ITGAV: variants seen among roughly 807,000 people sequenced by gnomAD.
ITGAV encodes the protein integrin subunit alpha V.
In ITGAV, 76 loss-of-function variants were observed where a neutral mutation model predicts 143.8. That is an observed-to-expected ratio of 0.53 (90% confidence interval 0.44 to 0.64). ITGAV has a LOEUF of 0.64. Ranked by LOEUF, ITGAV falls within the 30% of genes least tolerant of loss-of-function variation. The pLI is 0.00. For missense variants in ITGAV, 1,193 were observed against 1,274.7 expected, an observed-to-expected ratio of 0.94 and a Z score of 0.98; for synonymous variants, 453 against 446.7, an observed-to-expected ratio of 1.01 and a Z score of -0.18.
intron 26 of ITGAV, among the ~76,000 whole-genome samples, chr2:186,673,439 T>A (rs1380142530): frequency 2.0e-5 from 3 of 152,208 alleles, no homozygotes; most frequent in Admixed American, 2.0e-4. Context: ...TGTCCATTTC[T>A]GCAGACAAGG....
At chr2:186,653,612 C>G (rs1688504251) in intron 15 of ITGAV, among the ~76,000 whole-genome samples, 1 of 152,054 alleles carries the variant, frequency 6.6e-6, no homozygotes, top group Non-Finnish European at 1.5e-5. Context: ...AATATTTGGT[C>G]TTCATTTTTA....
At chr2:186,639,369 A>G (rs1272341179) in intron 10 of ITGAV, among the ~76,000 whole-genome samples, 2 of 152,196 alleles carry the variant, frequency 1.3e-5, no homozygotes, top group African/African-American at 4.8e-5. Context: ...GACTAGACTC[A>G]TGGTCCCCAG....
chr2:186,677,043 G>C, intron 29 of ITGAV, 108 bp downstream of exon 29: 1 of 1,233,158 alleles, frequency 8.1e-7, no homozygotes, highest in South Asian at 1.3e-5. Context: ...GGACTGTAAT[G>C]ATGATACTTG....
rs1462821931 is a variant in ITGAV, at chr2:186,659,088, A to G, written c.1770A>G (p.Glu590=). Residue 590 remains glutamate (E), a synonymous_variant, in exon 18 of 30, where the codon GAA becomes GAG. Transcript: ENST00000261023. Reference sequence around the variant, plus strand: ...TCACTCCAATTACTATTTTTATGGAATATCGGTTGGATTATAGAACAGCTG... The same window carrying G: ...TCACTCCAATTACTATTTTTATGGAGTATCGGTTGGATTATAGAACAGCTG... ...DKLTPITIFM[E]YRLDYRTAAD... is the part of the protein sequence containing the mutation. 6.2e-7 allele frequency: 1 copy of G among 1,610,996 alleles called. No homozygotes were observed. The highest frequency in any genetic ancestry group is 8.5e-7 in the Non-Finnish European group (1 of 1,177,384).
chr2:186,656,073 A>G lies in ITGAV; in HGVS notation c.1565-174A>G, dbSNP rs542022849. 1.3e-4 allele frequency among the ~76,000 whole-genome samples: 20 copies of G among 152,134 alleles called. No individual in the cohort carries two copies. In the South Asian group the frequency reaches 4.2e-3, roughly 32 times the overall value. Reference sequence around the variant, plus strand: ...ATTAATTATTTAATTATTATTAAATATTTTTTCAGAATTAATATGTTGTAG... The same window carrying G: ...ATTAATTATTTAATTATTATTAAATGTTTTTTCAGAATTAATATGTTGTAG... On this transcript the variant is annotated intron_variant, in intron 16 of 29. Coordinates refer to ENST00000261023, the MANE Select transcript of ITGAV (RefSeq NM_002210.5).
Position 186,590,448 on chromosome 2 carries a change from G to C in ITGAV, c.110G>C (p.Ser37Thr), listed in dbSNP as rs199896935. Residue 37 changes from serine (S) to threonine (T), a missense_variant, in exon 1 of 30, where the codon AGT (serine) becomes ACT (threonine). By Grantham distance (58) the Ser-to-Thr change is moderately conservative. Transcript: ENST00000261023. ...CGCGCCTTCAACCTAGACGTGGACAGTCCTGCCGAGTACTCTGGCCCCGAG... is the reference window on the plus strand; with the variant it reads ...CGCGCCTTCAACCTAGACGTGGACACTCCTGCCGAGTACTCTGGCCCCGAG... ...LCRAFNLDVDSPAEYSGPEGS... is the reference protein window; with the variant it reads ...LCRAFNLDVDTPAEYSGPEGS... 1 of 1,612,944 alleles carries C rather than the reference G, an allele frequency of 6.2e-7. No homozygotes were observed. Among genetic ancestry groups the C allele is most frequent in the African/African-American group, 1.3e-5 (1 of 75,022 alleles).
chr2:186,634,122 TATTC>T lies in ITGAV; in HGVS notation c.631+750_631+753del, dbSNP rs957211166. On this transcript the variant is annotated intron_variant, in intron 6 of 29. Coordinates refer to ENST00000261023, the MANE Select transcript of ITGAV (RefSeq NM_002210.5). ...TTGATATAAAGATGCATTATTATATTATTCAGTCATTCTGGGAGGCCTAATTAAA... is the reference window on the plus strand; with the variant it reads ...TTGATATAAAGATGCATTATTATATTAGTCATTCTGGGAGGCCTAATTAAA... Among the ~76,000 whole-genome samples the T allele has an allele frequency of 9.0e-4, 137 of 152,304 alleles. 1 individual carries two copies. Among genetic ancestry groups the T allele is most frequent in the African/African-American group, 3.2e-3 (133 of 41,574 alleles).
chr2:186,665,114 GGTC>G lies in ITGAV; in HGVS notation c.2074-11_2074-9del. ...CATATCCATTTTTTTTTTTTTTTTT[GGTC>G]TATCAAAGGCCTTAGCAAGACTTTC... is the stretch of plus-strand genomic sequence containing the variant. On this transcript the variant is annotated splice_polypyrimidine_tract_variant and intron_variant, in intron 20 of 29. Transcript: ENST00000261023. 1 of 1,037,392 alleles carries G rather than the reference GGTC, an allele frequency of 9.6e-7. No homozygotes were observed. Among genetic ancestry groups the G allele is most frequent in the Non-Finnish European group, 1.3e-6 (1 of 772,562 alleles). The allele number at this position is 1,037,392 out of a possible 1,614,324, so 64.3% of individuals were successfully genotyped here. A position where few individuals can be genotyped will look rare whatever the true frequency, so the allele number is the denominator to read the frequency against.
chr2:186,664,655 C>T lies in ITGAV; in HGVS notation c.2073+14C>T, dbSNP rs768900752. 9 of 1,613,740 alleles carry T rather than the reference C, an allele frequency of 5.6e-6. No individual in the cohort carries two copies. The Admixed American group carries it at 1.3e-4, about 24-fold the overall frequency. On this transcript the variant is annotated intron_variant, in intron 20 of 29. Coordinates refer to ENST00000261023, the MANE Select transcript of ITGAV (RefSeq NM_002210.5). ...CGAAACAATGAAGTAAGCAGGCTGC[C>T]TCTTTAAAAATTGAAATGCACTCAC...
chr2:186,664,227 A>G (rs189193501), intron 19 of ITGAV, among the ~76,000 whole-genome samples: 71 of 152,352 alleles, frequency 4.7e-4, no homozygotes, highest in African/African-American at 1.6e-3. Context: ...GGGGAATTAC[A>G]AAGTACATGT....
intron 2 of ITGAV, among the ~76,000 whole-genome samples, chr2:186,613,581 A>G (rs140415660): frequency 6.6e-6 from 1 of 152,314 alleles, no homozygotes; most frequent in East Asian, 1.9e-4. Flanking sequence ...TTTTGTATAT[A>G]TAAATGATTT....
rs781341683 is a variant in ITGAV at position 186,636,086 on chromosome 2, G to A, written c.636G>A (p.Gln212=). 1.2e-6 allele frequency: 2 copies of A among 1,611,604 alleles called. No homozygotes were observed. Among genetic ancestry groups the A allele is most frequent in the Admixed American group, 1.7e-5 (1 of 59,656 alleles). ...GGPGSFYWQG[Q]LISDQVAEIV... Reference sequence around the variant, plus strand: ...TATATATACACCCTTTTTTAGGTCAGCTTATTTCGGATCAAGTGGCAGAAA... The same window carrying A: ...TATATATACACCCTTTTTTAGGTCAACTTATTTCGGATCAAGTGGCAGAAA... The change falls in exon 7 of 30, where the codon CAG becomes CAA. Residue 212 remains glutamine (Q), a synonymous_variant. Coordinates refer to ENST00000261023, the MANE Select transcript of ITGAV (RefSeq NM_002210.5).
rs183429456 is a variant in ITGAV at position 186,593,689 on chromosome 2, C to T, written c.185+3166C>T. Reference sequence around the variant, plus strand: ...CATTTCATTCTATAGCCCACACCACCGGGGGGAAGTAAGGGGAAGCAGATA... The same window carrying T: ...CATTTCATTCTATAGCCCACACCACTGGGGGGAAGTAAGGGGAAGCAGATA... On this transcript the variant is annotated intron_variant, in intron 1 of 29. Transcript: ENST00000261023. Among the ~76,000 whole-genome samples the T allele has an allele frequency of 6.3e-4, 95 of 151,832 alleles. 1 individual carries two copies. The highest frequency in any genetic ancestry group is 9.3e-4 in the Non-Finnish European group (63 of 67,978).
intron 1 of ITGAV, among the ~76,000 whole-genome samples, chr2:186,596,524 G>A (rs1430989011): frequency 2.7e-5 from 4 of 147,370 alleles, no homozygotes; most frequent in African/African-American, 1.0e-4. Flanking sequence ...ATCTTGGCTT[G>A]CTGCAACCTT....
intron 10 of ITGAV, among the ~76,000 whole-genome samples, chr2:186,639,612 G>C (rs1352642943): frequency 2.0e-5 from 3 of 152,204 alleles, no homozygotes; most frequent in Non-Finnish European, 4.4e-5. Flanking sequence ...GGTGGCTAGA[G>C]AGGAGTGGGA....
At chr2:186,595,416 ATCC>A (rs962802874) in intron 1 of ITGAV, among the ~76,000 whole-genome samples, 2 of 152,144 alleles carry the variant, frequency 1.3e-5, no homozygotes, top group Non-Finnish European at 2.9e-5. Flanking sequence ...TCCAAAGGCC[ATCC>A]TCCTGATTGG....
At chr2:186,664,865 G>T (rs1456384357) in intron 20 of ITGAV, among the ~76,000 whole-genome samples, 1 of 152,136 alleles carries the variant, frequency 6.6e-6, no homozygotes, top group East Asian at 1.9e-4. Context: ...TGGAAACAAG[G>T]TTAGATAGAT....
chr2:186,640,799 T>C, intron 10 of ITGAV, 116 bp from the exon 11 acceptor site: 1 of 731,704 alleles, frequency 1.4e-6, no homozygotes, highest in South Asian at 1.9e-5. Flanking sequence ...ACATTTAGAT[T>C]GAAGCACTAT....
At chr2:186,673,047 T>TA (rs1176789930) in intron 26 of ITGAV, among the ~76,000 whole-genome samples, 1 of 152,230 alleles carries the variant, frequency 6.6e-6, no homozygotes, top group African/African-American at 2.4e-5. Flanking sequence ...GTTTTACACT[T>TA]ACAGCTCTTA....
Sources: allele counts gnomAD v4.1 joint callset (sites outside exome capture counted in the v4.1 genomes callset), GRCh38; gene constraint gnomAD v4.1.1; transcripts MANE v1.5; gene names NCBI Gene and HGNC (gene_info 2026-07-23, HGNC 2026-07-21).